Variants in MYO18B observed in about 807,000 individuals in gnomAD.
The protein encoded by MYO18B is unconventional myosin-XVIIIb.
In MYO18B, 204 loss-of-function variants were observed where a neutral mutation model predicts 273.0. The ratio of observed to expected loss-of-function variants is 0.75; its 90% CI spans 0.67 to 0.84. The LOEUF (loss-of-function observed/expected upper bound fraction) is 0.84. Ranked by LOEUF, MYO18B falls within the 40% of genes least tolerant of loss-of-function variation. MYO18B has a pLI of 0.00. For synonymous variants in MYO18B, 1,330 were observed against 1,305.7 expected (o/e 1.02, Z -0.40); for missense variants, 3,212 against 3,287.6 (o/e 0.98, Z 0.56).
intron 42 of MYO18B, among the ~76,000 whole-genome samples, chr22:26,023,307 C>A (rs150129188): frequency 9.3e-4 from 141 of 152,286 alleles, no homozygotes; most frequent in African/African-American, 3.3e-3. Context: ...TGATTGAATT[C>A]GACAGCATTT....
chr22:26,056,938 G>A, the MYO18B span, among the ~76,000 whole-genome samples: 1,573 of 152,292 alleles, frequency 0.01, 30 homozygotes, highest in African/African-American at 0.016. Flanking sequence ...GACAGGGGAC[G>A]TGAACTGTAC....
chr22:25,814,089 C>T (rs1400828524), intron 12 of MYO18B, among the ~76,000 whole-genome samples: 2 of 151,984 alleles, frequency 1.3e-5, no homozygotes, highest in African/African-American at 4.8e-5. Context: ...TGCTGGAAGA[C>T]GGAGCTCACT....
chr22:25,744,956 T>G (rs574838348), intron 1 of MYO18B, among the ~76,000 whole-genome samples: 1 of 152,080 alleles, frequency 6.6e-6, no homozygotes, highest in African/African-American at 2.4e-5. Flanking sequence ...CAGCCCCTGC[T>G]GTCACGGCTG....
chr22:25,952,728 T>C (rs1206861271), intron 38 of MYO18B, among the ~76,000 whole-genome samples: 1 of 152,180 alleles, frequency 6.6e-6, no homozygotes, highest in Non-Finnish European at 1.5e-5. Context: ...TCTCTTCCTC[T>C]ATTATTTTTT....
chr22:25,931,974 C>G (rs9624929), intron 34 of MYO18B, among the ~76,000 whole-genome samples: 387 of 151,958 alleles, frequency 2.5e-3, no homozygotes, highest in Non-Finnish European at 4.0e-3. Flanking sequence ...TGGGCTCAAG[C>G]GATCCTCCAG....
At chr22:26,015,254 G>T (rs1935223852) in intron 42 of MYO18B, among the ~76,000 whole-genome samples, 1 of 152,122 alleles carries the variant, frequency 6.6e-6, no homozygotes, top group South Asian at 2.1e-4. Context: ...ATTCCTTAGA[G>T]ACCAAAAGCA....
intron 12 of MYO18B, among the ~76,000 whole-genome samples, chr22:25,821,309 T>G (rs1569067956): frequency 6.6e-6 from 1 of 152,054 alleles, no homozygotes; most frequent in Non-Finnish European, 1.5e-5. Flanking sequence ...GTTCCTTTTT[T>G]TTTTTTTGCA....
intron 39 of MYO18B, chr22:25,983,630 T>C (rs1290125895): frequency 6.6e-6 from 1 of 152,244 alleles, no homozygotes; most frequent in Admixed American, 6.5e-5. Context: ...GGACATTTCC[T>C]GGTTTCCTTG....
intron 42 of MYO18B, 44 bp from the exon 43 acceptor site, chr22:26,026,401 G>T (rs772867725): frequency 1.3e-6 from 2 of 1,560,622 alleles, no homozygotes; most frequent in Non-Finnish European, 1.7e-6. Flanking sequence ...CAAATTGTAT[G>T]AATTGCACAA....
chr22:25,978,146 G>A (rs532268971), intron 39 of MYO18B, among the ~76,000 whole-genome samples: 2 of 152,308 alleles, frequency 1.3e-5, no homozygotes, highest in South Asian at 4.2e-4. Flanking sequence ...TTAGACATTG[G>A]CAAATAATTC....
In MYO18B at chr22:25,770,163, T is replaced by C. The variant is rs2145595841; in HGVS notation, c.1566T>C (p.Asp522=). The C allele has an allele frequency of 6.2e-7, 1 of 1,613,908 alleles. No homozygotes were observed. Residue 522 remains aspartate, a synonymous_variant, in exon 5 of 44, where the codon GAT becomes GAC. Transcript: ENST00000335473. ...AGAAAGTCTGGCTGGCTCAGAAGGA[T>C]GGATTTACTCTTGGTAAGTAGGGGT... ...EAEKVWLAQK[D]GFTLATVLKP...
chr22:25,914,957 A>G lies in MYO18B; in HGVS notation c.5364+3907A>G, dbSNP rs563604255. Among the ~76,000 whole-genome samples the G allele has an allele frequency of 7.2e-3, 1,086 of 151,676 alleles. 3 individuals carry two copies. Among genetic ancestry groups the G allele is most frequent in the Admixed American group, 0.013 (197 of 15,256 alleles). On this transcript the variant is annotated intron_variant, in intron 33 of 43. Transcript: ENST00000335473. The stretch of plus-strand genomic sequence containing the variant: ...CGTGATCCACCCACCTCGGCCTCCC[A>G]AAGTGCTGGGATTACAGGCATGAAA...
chr22:25,811,570 G>A (rs925439780), intron 12 of MYO18B, among the ~76,000 whole-genome samples: 2 of 152,164 alleles, frequency 1.3e-5, no homozygotes, highest in Admixed American at 1.3e-4. Flanking sequence ...TAAGTGGTTG[G>A]TTATTGCTTT....
intron 10 of MYO18B, among the ~76,000 whole-genome samples, chr22:25,782,959 C>T (rs559441267): frequency 6.6e-6 from 1 of 152,336 alleles, no homozygotes; most frequent in African/African-American, 2.4e-5. Flanking sequence ...TTGGCTTCTC[C>T]ACTTGTTGGC....
At position 25,798,117 on chromosome 22, in the gene MYO18B, C is replaced by T; in HGVS notation, c.2521+20C>T. 6.3e-7 allele frequency: 1 copy of T among 1,589,590 alleles called. No homozygotes were observed. The highest frequency in any genetic ancestry group is 1.3e-5 in the African/African-American group (1 of 74,600). On this transcript the variant is annotated intron_variant, in intron 12 of 43. Coordinates refer to ENST00000335473, the MANE Select transcript of MYO18B (RefSeq NM_032608.7). ...GCAAAGGTACGTCCTTCCTGCCGGG[C>T]TCACCTGGGAGGGCAGCTGTCTCCT...
Position 25,751,874 on chromosome 22 carries a change from G to A in MYO18B, c.-109-9110G>A, listed in dbSNP as rs548848825. Reference sequence around the variant, plus strand: ...TGGGGTCTTCAGTCCGGTTTTAACCGTGGAGTAAAGGGAAAGTGAAAATCT... The same window carrying A: ...TGGGGTCTTCAGTCCGGTTTTAACCATGGAGTAAAGGGAAAGTGAAAATCT... On this transcript the variant is annotated intron_variant, in intron 1 of 43. Transcript: ENST00000335473. Among the ~76,000 whole-genome samples, 11 of 152,282 alleles carry A rather than the reference G, an allele frequency of 7.2e-5. No individual in the cohort carries two copies. In the East Asian group the frequency reaches 1.9e-3, roughly 27 times the overall value.
intron 39 of MYO18B, among the ~76,000 whole-genome samples, chr22:25,992,028 A>C (rs918302755): frequency 2.0e-5 from 3 of 152,186 alleles, no homozygotes; most frequent in African/African-American, 7.2e-5. Flanking sequence ...TTACTCCTCC[A>C]TCCAAGATGG....
intron 39 of MYO18B, among the ~76,000 whole-genome samples, chr22:25,977,592 T>A (rs900614737): frequency 6.6e-6 from 1 of 152,054 alleles, no homozygotes; most frequent in East Asian, 1.9e-4. Flanking sequence ...ATTACAATAG[T>A]TTGGCTAGTA....
At chr22:25,990,554 G>A (rs1031063274) in intron 39 of MYO18B, among the ~76,000 whole-genome samples, 1 of 151,822 alleles carries the variant, frequency 6.6e-6, no homozygotes, top group Admixed American at 6.6e-5. Context: ...AAGTGTGGTC[G>A]TGGGTGCCTG....
Sources: allele counts gnomAD v4.1 joint callset (sites outside exome capture counted in the v4.1 genomes callset), GRCh38; gene constraint gnomAD v4.1.1; transcripts MANE v1.5; gene names NCBI Gene and HGNC (gene_info 2026-07-23, HGNC 2026-07-21).